The following TOMM70 variants were observed in gnomAD, a reference collection of about 807,000 sequenced individuals.
TOMM70 encodes translocase of outer mitochondrial membrane 70.
A neutral mutation model predicts 73.6 loss-of-function variants in TOMM70; 13 were observed. The ratio of observed to expected loss-of-function variants is 0.18; its 90% CI spans 0.11 to 0.28. TOMM70 has a LOEUF of 0.28. Among genes scored for constraint, TOMM70 ranks in the 10% least tolerant of loss-of-function variants. The pLI is 1.00. For missense variants in TOMM70, 609 were observed against 747.5 expected, an observed-to-expected ratio of 0.81 and a Z score of 2.16; for synonymous variants, 257 against 271.2, an observed-to-expected ratio of 0.95 and a Z score of 0.51.
intron 2 of TOMM70, 80 bp from the exon 3 acceptor site, chr3:100,386,424 A>G: frequency 2.2e-6 from 3 of 1,367,112 alleles, no homozygotes; most frequent in Non-Finnish European, 2.9e-6. Context: ...TGATAGGTTG[A>G]GTATTAAAAG....
intron 1 of TOMM70, among the ~76,000 whole-genome samples, chr3:100,400,165 C>A (rs1207566019): frequency 6.6e-6 from 1 of 152,036 alleles, no homozygotes; most frequent in Non-Finnish European, 1.5e-5. Context: ...CTGTAGTTGC[C>A]CACTTACCCC....
At chr3:100,399,811 G>A (rs1706870039) in intron 1 of TOMM70, among the ~76,000 whole-genome samples, 2 of 149,852 alleles carry the variant, frequency 1.3e-5, no homozygotes, top group African/African-American at 4.9e-5. Context: ...CAAGCCTGGT[G>A]AGCATTGCTG....
intron 1 of TOMM70, among the ~76,000 whole-genome samples, chr3:100,400,315 T>C (rs1706878355): frequency 2.6e-5 from 4 of 152,176 alleles, no homozygotes; most frequent in Admixed American, 2.6e-4. Context: ...CCTTCACTTA[T>C]TAAATACAAT....
chr3:100,378,055 G>A (rs976905717), intron 5 of TOMM70, 143 bp from the exon 6 acceptor site: 41 of 626,164 alleles, frequency 6.5e-5, no homozygotes, highest in South Asian at 7.8e-5. Context: ...GACCAGCCTG[G>A]CCAACATGGT....
chr3:100,385,087 C>T (rs1706675271), intron 3 of TOMM70, among the ~76,000 whole-genome samples: 1 of 152,236 alleles, frequency 6.6e-6, no homozygotes. Context: ...TCCTTAACCT[C>T]TCAGCCTTTC....
At chr3:100,368,825 C>T (rs990617249) in intron 10 of TOMM70, among the ~76,000 whole-genome samples, 35 of 152,184 alleles carry the variant, frequency 2.3e-4, no homozygotes, top group African/African-American at 8.0e-4. Flanking sequence ...ATCTGCCTGC[C>T]TCGGCCTCCC....
At chr3:100,381,054 G>A (rs1559832555) in intron 5 of TOMM70, among the ~76,000 whole-genome samples, 1 of 152,060 alleles carries the variant, frequency 6.6e-6, no homozygotes, top group Non-Finnish European at 1.5e-5. Flanking sequence ...AATAAAGCAG[G>A]CTAGATGGTT....
At chr3:100,375,200 CCAATCTAGTTTCTTTAA>C in intron 6 of TOMM70, 48 bp from the exon 7 acceptor site, 1 of 1,486,066 alleles carries the variant, frequency 6.7e-7, no homozygotes, top group Non-Finnish European at 9.0e-7. Context: ...TTTTTTCCCT[CCAATCTAGTTTCTTTAA>C]ATAACAGCTT....
At position 100,386,976 on chromosome 3, in the gene TOMM70, G is replaced by C; in HGVS notation, c.327C>G (p.Asn109Lys). 1 of 1,612,176 alleles carries C rather than the reference G, an allele frequency of 6.2e-7. No homozygotes were observed. The highest frequency in any genetic ancestry group is 1.1e-5 in the South Asian group (1 of 90,840). The change falls in exon 2 of 12, where the codon AAC becomes AAG. Residue 109 changes from asparagine to lysine, a missense_variant and splice_region_variant. This residue lies in a region of TOMM70 where 177 missense variants were observed against 163.5 expected (regional missense o/e 1.08). Transcript: ENST00000284320. ...TGGCTGCTTGGGCTCTATCAAGAGA[G>C]TTCTGAAATGAGAGGAAACAATTAT... ...PEGPGAHLDM[N>K]SLDRAQAAKN...
At chr3:100,376,724 C>T (rs1203203947) in intron 6 of TOMM70, among the ~76,000 whole-genome samples, 3 of 151,988 alleles carry the variant, frequency 2.0e-5, no homozygotes, top group South Asian at 2.1e-4. Flanking sequence ...GGCTCTAATC[C>T]ATTTTGAGTT....
intron 3 of TOMM70, among the ~76,000 whole-genome samples, chr3:100,385,386 C>CA (rs1706679833): frequency 6.6e-6 from 1 of 152,198 alleles, no homozygotes; most frequent in Non-Finnish European, 1.5e-5. Flanking sequence ...TATGTGCCAC[C>CA]ACAAAACCTC....
intron 1 of TOMM70, among the ~76,000 whole-genome samples, chr3:100,390,947 G>C (rs1295932597): frequency 2.6e-5 from 4 of 151,128 alleles, no homozygotes; most frequent in Non-Finnish European, 5.9e-5. Context: ...AGACCATCCT[G>C]GCTAACACGG....
In TOMM70 at chr3:100,397,406, T is replaced by C. The variant is rs190415777; in HGVS notation, c.324+3220A>G. ...TCACAAAGACCTTCCTATTGTTGCT[T>C]TACCAAAGAACAATCTAGTAATTCA... On this transcript the variant is annotated intron_variant, in intron 1 of 11. Coordinates refer to ENST00000284320, the MANE Select transcript of TOMM70 (RefSeq NM_014820.5). Among the ~76,000 whole-genome samples, 21 of 152,370 alleles carry C rather than the reference T, an allele frequency of 1.4e-4. No individual in the cohort carries two copies. The East Asian group carries it at 3.1e-3, about 22-fold the overall frequency.
intron 1 of TOMM70, among the ~76,000 whole-genome samples, chr3:100,387,464 A>G (rs1371108641): frequency 1.3e-5 from 2 of 151,626 alleles, no homozygotes; most frequent in African/African-American, 4.9e-5. Context: ...CCCCCCAAAA[A>G]AGCATGAGAG....
intron 1 of TOMM70, among the ~76,000 whole-genome samples, chr3:100,395,844 A>G (rs1706820104): frequency 6.6e-6 from 1 of 152,178 alleles, no homozygotes. Context: ...GCATAGCAGG[A>G]AACAGCAATA....
chr3:100,365,518 A>T lies in TOMM70; in HGVS notation c.*46T>A, dbSNP rs1273692534. 6.2e-7 allele frequency: 1 copy of T among 1,612,046 alleles called. No homozygotes were observed. The highest frequency in any genetic ancestry group is 8.5e-7 in the Non-Finnish European group (1 of 1,178,402). On this transcript the variant is annotated 3_prime_UTR_variant, in exon 12 of 12. Coordinates refer to ENST00000284320, the MANE Select transcript of TOMM70 (RefSeq NM_014820.5). ...CAGTGTCTTTAGGGTTCAGTTGAAG[A>T]GGGGGTAAACTTTTAAAAAGAGGGT... is the stretch of plus-strand genomic sequence containing the variant.
intron 6 of TOMM70, among the ~76,000 whole-genome samples, chr3:100,376,809 GTTTC>G (rs745467667): frequency 1.3e-5 from 2 of 151,974 alleles, no homozygotes; most frequent in East Asian, 3.8e-4. Flanking sequence ...AAAACAATGC[GTTTC>G]TTTAAAATTT....
intron 1 of TOMM70, among the ~76,000 whole-genome samples, chr3:100,400,345 C>T (rs1474106161): frequency 5.3e-5 from 8 of 152,164 alleles, no homozygotes; most frequent in Admixed American, 5.2e-4. Flanking sequence ...TGCAAATGCC[C>T]CACTCCCATC....
chr3:100,400,826 C>A lies in TOMM70; in HGVS notation c.124G>T (p.Ala42Ser), dbSNP rs1456270388. Residue 42 changes from alanine to serine, a missense_variant, in exon 1 of 12, where the codon GCT becomes TCT. Around this residue, in one of 2 missense-constraint regions of TOMM70, gnomAD observed 177 missense variants for 163.5 expected, o/e 1.08. Transcript: ENST00000284320. ...GTGGLPRWQLALAVGAPLLLG... is the reference protein window; with the variant it reads ...GTGGLPRWQLSLAVGAPLLLG... ...AGCAGGGGTGCCCCGACCGCCAGAG[C>A]CAGCTGCCATCGCGGCAGCCCCCCC... is the stretch of plus-strand genomic sequence containing the variant. The A allele has an allele frequency of 1.3e-6, 2 of 1,525,398 alleles. No homozygotes were observed. The highest frequency in any genetic ancestry group is 2.1e-5 in the Admixed American group (1 of 48,740). The allele number at this position is 1,525,398 out of a possible 1,614,324, so 94.5% of individuals were successfully genotyped here.
Sources: allele counts gnomAD v4.1 joint callset (sites outside exome capture counted in the v4.1 genomes callset), GRCh38; gene constraint gnomAD v4.1.1; regional missense constraint gnomAD v4.1.1; transcripts MANE v1.5; gene names NCBI Gene and HGNC (gene_info 2026-07-23, HGNC 2026-07-21).